The following SLC35E1 variants were observed in gnomAD, a reference collection of about 807,000 sequenced individuals.
SLC35E1 encodes solute carrier family 35, member E1.
In SLC35E1, 12 loss-of-function variants were observed where a neutral mutation model predicts 31.0. The observed-to-expected ratio is 0.39, with a 90% CI of 0.25 to 0.63. The LOEUF (loss-of-function observed/expected upper bound fraction) is 0.63. Among genes scored for constraint, SLC35E1 ranks in the 20% least tolerant of loss-of-function variants. SLC35E1 has a pLI of 0.52. For missense variants in SLC35E1, 429 were observed against 572.2 expected (o/e 0.75, Z 2.55); for synonymous variants, 257 against 264.1 (o/e 0.97, Z 0.26).
At position 16,572,000 on chromosome 19, in the gene SLC35E1, G is replaced by A; in HGVS notation, c.365C>T (p.Ala122Val). The change falls in exon 1 of 6, where the codon GCG becomes GTG. Residue 122 changes from alanine to valine, a missense_variant. Ala to Val is a moderately conservative substitution (Grantham distance 64, BLOSUM62 0). Transcript: ENST00000595753. ...VLPLAFGKYF[A>V]SVSAHVSIWK... ...GATGCTGACGTGCGCTGACACGGAC[G>A]CGAAGTACTTGCCGAAGGCGAGCGG... 1 of 1,546,866 alleles carries A rather than the reference G, an allele frequency of 6.5e-7. No individual in the cohort carries two copies. Among genetic ancestry groups the A allele is most frequent in the Non-Finnish European group, 8.7e-7 (1 of 1,145,480 alleles).
chr19:16,559,264 C>T (rs56003264), intron 4 of SLC35E1, among the ~76,000 whole-genome samples: 23,302 of 151,400 alleles, frequency 0.15, 2,682 homozygotes, highest in African/African-American at 0.33. Flanking sequence ...TGCAGTGAGC[C>T]GAGATCCCGC....
intron 4 of SLC35E1, chr19:16,557,183 T>G (rs1315529552): frequency 3.7e-5 from 12 of 328,594 alleles, no homozygotes; most frequent in Non-Finnish European, 6.6e-5. Context: ...GGCAGCACGG[T>G]GCACAATTCC....
chr19:16,572,278 CCGCGCGCCCT>C lies in SLC35E1; in HGVS notation c.77_86del (p.Glu26GlyfsTer12), dbSNP rs1228974132. ...ACCACAGCAGGCACAGCGCCGCCACCCGCGCGCCCTCGCGCGCCCCACCACTGCTGCTCGC... is the reference window on the plus strand; with the variant it reads ...ACCACAGCAGGCACAGCGCCGCCACCCGCGCGCCCCACCACTGCTGCTCGC... On this transcript the variant is annotated frameshift_variant, in exon 1 of 6. Coordinates refer to ENST00000595753, the MANE Select transcript of SLC35E1 (RefSeq NM_024881.5). LOFTEE classifies it high-confidence loss of function. This position sits in a 1 kb window ranked among gnomAD's most constrained non-coding sequence, Gnocchi z 4.1. 6.7e-6 allele frequency: 10 copies of C among 1,496,798 alleles called. No homozygotes were observed. Among genetic ancestry groups the C allele is most frequent in the Non-Finnish European group, 8.9e-6 (10 of 1,121,790 alleles). The allele number at this position is 1,496,798 out of a possible 1,614,324, so 92.7% of individuals were successfully genotyped here. A position where few individuals can be genotyped will look rare whatever the true frequency, so the allele number is the denominator to read the frequency against.
chr19:16,569,932 G>A (rs764278688), intron 2 of SLC35E1, among the ~76,000 whole-genome samples: 1 of 152,200 alleles, frequency 6.6e-6, no homozygotes, highest in Non-Finnish European at 1.5e-5. Context: ...ACCGAGGGCT[G>A]TGGACCTGAA....
rs1317162813 is a variant in SLC35E1 at position 16,566,756 on chromosome 19, C to G, written c.631-99G>C. The G allele has an allele frequency of 6.2e-6, 9 of 1,447,008 alleles. No individual in the cohort carries two copies. The African/African-American group carries it at 1.3e-4, about 21-fold the overall frequency. 89.6% of individuals were successfully genotyped at this position (1,447,008 alleles called of 1,614,324 possible). A position where few individuals can be genotyped will look rare whatever the true frequency, so the allele number is the denominator to read the frequency against. On this transcript the variant is annotated intron_variant, in intron 3 of 5. Transcript: ENST00000595753. ...CAAACACAGTGACTGGACATTAACC[C>G]TGACATCTGAGCTTGGACACCAAAC...
chr19:16,570,605 A>G (rs566527775), intron 2 of SLC35E1, among the ~76,000 whole-genome samples: 62 of 152,342 alleles, frequency 4.1e-4, no homozygotes, highest in Admixed American at 9.1e-4. Context: ...CATCTTGAAC[A>G]GAATTTGGAC....
At position 16,572,291 on chromosome 19, in the gene SLC35E1, C is replaced by A; in HGVS notation, c.74G>T (p.Arg25Leu). Residue 25 changes from arginine to leucine, a missense_variant, in exon 1 of 6, where the codon CGC (arginine) becomes CTC (leucine). Transcript: ENST00000595753. This position sits in a 1 kb window ranked among gnomAD's most constrained non-coding sequence, Gnocchi z 4.1. ...PGAASSSGGA[R>L]EGARVAALCL... The stretch of plus-strand genomic sequence containing the variant: ...CAGCGCCGCCACCCGCGCGCCCTCG[C>A]GCGCCCCACCACTGCTGCTCGCTGC... 3 of 1,489,922 alleles carry A rather than the reference C, an allele frequency of 2.0e-6. No homozygotes were observed. The highest frequency in any genetic ancestry group is 2.7e-6 in the Non-Finnish European group (3 of 1,118,020). The allele number at this position is 1,489,922 out of a possible 1,614,324, so 92.3% of individuals were successfully genotyped here.
chr19:16,570,188 G>A (rs755937190), intron 2 of SLC35E1, among the ~76,000 whole-genome samples: 53 of 152,206 alleles, frequency 3.5e-4, no homozygotes, highest in Non-Finnish European at 6.5e-4. Context: ...CCGTACAACG[G>A]GGAAACCTGA....
chr19:16,560,749 C>G (rs2085900531), intron 4 of SLC35E1, among the ~76,000 whole-genome samples: 1 of 150,828 alleles, frequency 6.6e-6, no homozygotes. Flanking sequence ...ACAATTCCAG[C>G]TACTCAGGAA....
intron 2 of SLC35E1, among the ~76,000 whole-genome samples, chr19:16,570,482 G>T (rs11086033): frequency 0.036 from 5,431 of 152,296 alleles, 234 homozygotes; most frequent in Admixed American, 0.087. Flanking sequence ...GCATGAAATG[G>T]ATTCCGGCTG....
At chr19:16,557,238 G>A (rs914697345) in intron 4 of SLC35E1, 7 of 297,158 alleles carry the variant, frequency 2.4e-5, no homozygotes, top group Non-Finnish European at 4.6e-5. Context: ...CTGTCGCCCA[G>A]GCTGGAGTGC....
At chr19:16,567,162 G>C (rs759045772) in intron 3 of SLC35E1, among the ~76,000 whole-genome samples, 1 of 152,202 alleles carries the variant, frequency 6.6e-6, no homozygotes, top group Non-Finnish European at 1.5e-5. Context: ...TGAAAAGTGT[G>C]TGATTATCAC....
Position 16,572,390 on chromosome 19 carries a change from GC to G in SLC35E1, c.-27del, listed in dbSNP as rs758701722. On this transcript the variant is annotated 5_prime_UTR_variant, in exon 1 of 6. Coordinates refer to ENST00000595753, the MANE Select transcript of SLC35E1 (RefSeq NM_024881.5). This position sits in a 1 kb window ranked among gnomAD's most constrained non-coding sequence, Gnocchi z 4.1. ...CCTGCCCGAGCGGCCGCCCCTTCCA[GC>G]CCGTCCGACGGCCCGACGCCGGGCG... is the stretch of plus-strand genomic sequence containing the variant. The G allele has an allele frequency of 2.4e-3, 2,358 of 994,416 alleles. 2 individuals carry two copies. Among genetic ancestry groups the G allele is most frequent in the Non-Finnish European group, 2.7e-3 (2,229 of 836,098 alleles). The allele number at this position is 994,416 out of a possible 1,614,324, so 61.6% of individuals were successfully genotyped here.
At chr19:16,563,574 C>T (rs12462593) in intron 4 of SLC35E1, among the ~76,000 whole-genome samples, 5,494 of 152,094 alleles carry the variant, frequency 0.036, 235 homozygotes, top group Admixed American at 0.088. Context: ...AGTGCAGTGT[C>T]GTGATCTCAG....
rs997670483 is a variant in SLC35E1, at chr19:16,572,376, G to C, written c.-12C>G. On this transcript the variant is annotated 5_prime_UTR_variant, in exon 1 of 6. Transcript: ENST00000595753. The surrounding 1 kb of genome is among the most constrained non-coding windows in gnomAD (Gnocchi z 4.1). Reference sequence around the variant, plus strand: ...GCGGCCGCCGCCATCCTGCCCGAGCGGCCGCCCCTTCCAGCCCGTCCGACG... The same window carrying C: ...GCGGCCGCCGCCATCCTGCCCGAGCCGCCGCCCCTTCCAGCCCGTCCGACG... 4.0e-6 allele frequency: 4 copies of C among 1,001,486 alleles called. No individual in the cohort carries two copies. The highest frequency in any genetic ancestry group is 3.6e-6 in the Non-Finnish European group (3 of 840,914). The allele number at this position is 1,001,486 out of a possible 1,614,324, so 62.0% of individuals were successfully genotyped here. A position where few individuals can be genotyped will look rare whatever the true frequency, so the allele number is the denominator to read the frequency against.
rs1472866140 is a variant in SLC35E1 at position 16,553,636 on chromosome 19, C to T, written c.*43G>A. On this transcript the variant is annotated 3_prime_UTR_variant, in exon 6 of 6. Coordinates refer to ENST00000595753, the MANE Select transcript of SLC35E1 (RefSeq NM_024881.5). The stretch of plus-strand genomic sequence containing the variant: ...GAAGTTTCTGATACTGCTGTGGGGG[C>T]CGGGGAAGGAGTCACCAACAGTCTG... 2 of 1,407,130 alleles carry T rather than the reference C, an allele frequency of 1.4e-6. No individual in the cohort carries two copies. The highest frequency in any genetic ancestry group is 3.4e-5 in the South Asian group (2 of 58,310). 87.2% of individuals were successfully genotyped at this position (1,407,130 alleles called of 1,614,324 possible).
intron 4 of SLC35E1, among the ~76,000 whole-genome samples, chr19:16,562,367 T>C (rs2085911184): frequency 6.6e-6 from 1 of 152,120 alleles, no homozygotes; most frequent in Admixed American, 6.6e-5. Context: ...TGAGATGAAA[T>C]GAACAAGGTG....
At chr19:16,558,244 A>G (rs982146183) in intron 4 of SLC35E1, among the ~76,000 whole-genome samples, 2 of 152,052 alleles carry the variant, frequency 1.3e-5, no homozygotes, top group African/African-American at 4.8e-5. Flanking sequence ...GGGTTTCACC[A>G]TGTTGGCCAG....
chr19:16,568,442 G>C (rs1035009228), intron 2 of SLC35E1, among the ~76,000 whole-genome samples: 4 of 152,224 alleles, frequency 2.6e-5, no homozygotes, highest in Non-Finnish European at 5.9e-5. Context: ...GCCCGGGGCT[G>C]GTCCTAACTC....
Sources: allele counts gnomAD v4.1 joint callset (sites outside exome capture counted in the v4.1 genomes callset), GRCh38; gene constraint gnomAD v4.1.1; non-coding constraint Gnocchi (gnomAD v3.1); transcripts MANE v1.5; gene names NCBI Gene and HGNC (gene_info 2026-07-23, HGNC 2026-07-21).